Variants in TTC7B observed in about 807,000 individuals in gnomAD.
The protein encoded by TTC7B is tetratricopeptide repeat domain 7B.
TTC7B carries 28 observed loss-of-function variants against 106.8 expected under a neutral mutation model. The observed-to-expected ratio is 0.26, with a 90% CI of 0.19 to 0.36. The LOEUF (loss-of-function observed/expected upper bound fraction) is 0.36. TTC7B is among the 10% of genes least tolerant of loss of function. TTC7B has a pLI of 1.00. For synonymous variants in TTC7B, 405 were observed against 430.6 expected (o/e 0.94, Z 0.74); for missense variants, 862 against 1,076.4 (o/e 0.80, Z 2.79).
intron 13 of TTC7B, among the ~76,000 whole-genome samples, chr14:90,650,660 A>T (rs7150719): frequency 0.12 from 18,970 of 152,266 alleles, 1,254 homozygotes; most frequent in African/African-American, 0.17. Context: ...ACTGTGGGCC[A>T]TGCAATGAAA....
chr14:90,555,332 A>T lies in TTC7B; in HGVS notation c.2311-13743T>A, dbSNP rs576345381. On this transcript the variant is annotated intron_variant, in intron 19 of 19. Coordinates refer to ENST00000328459, the MANE Select transcript of TTC7B (RefSeq NM_001010854.2). ...GCCTGGCACTGCAGGCCCTTCCTCT[A>T]CCTGGCGGCTGCCAGATTCCGGGTG... 5.3e-5 allele frequency among the ~76,000 whole-genome samples: 8 copies of T among 151,882 alleles called. No homozygotes were observed. The East Asian group carries it at 1.4e-3, about 26-fold the overall frequency.
intron 15 of TTC7B, among the ~76,000 whole-genome samples, chr14:90,620,313 T>C (rs909360628): frequency 2.0e-5 from 3 of 152,142 alleles, no homozygotes; most frequent in African/African-American, 7.2e-5. Flanking sequence ...TTTGGAAGCC[T>C]TACCAAGACT....
chr14:90,811,503 G>A (rs1402041567), intron 1 of TTC7B, among the ~76,000 whole-genome samples: 1 of 152,130 alleles, frequency 6.6e-6, no homozygotes, highest in Non-Finnish European at 1.5e-5. Context: ...TTCACAGGAG[G>A]GTGTGCATGA....
chr14:90,770,026 T>G (rs1890811442), intron 3 of TTC7B, among the ~76,000 whole-genome samples: 1 of 152,078 alleles, frequency 6.6e-6, no homozygotes, highest in Non-Finnish European at 1.5e-5. Context: ...GGTACACATC[T>G]GTAGTTCCAG....
chr14:90,532,887 G>T lies in TTC7B; in HGVS notation c.*8481C>A, dbSNP rs991960349. 6.6e-5 allele frequency: 10 copies of T among 152,304 alleles called. No individual in the cohort carries two copies. The highest frequency in any genetic ancestry group is 2.4e-4 in the African/African-American group (10 of 41,438). The allele number at this position is 152,304 out of a possible 1,614,324, so 9.4% of individuals were successfully genotyped here. A position where few individuals can be genotyped will look rare whatever the true frequency, so the allele number is the denominator to read the frequency against. Reference sequence around the variant, plus strand: ...TGGTAGCTGTGCCTTCCTGGGTACTGCTGAATGGCAGGCTAAGCTCAGGCT... The same window carrying T: ...TGGTAGCTGTGCCTTCCTGGGTACTTCTGAATGGCAGGCTAAGCTCAGGCT... On this transcript the variant is annotated 3_prime_UTR_variant, in exon 20 of 20. Transcript: ENST00000328459.
rs1566753691 is a variant in TTC7B at position 90,528,626 on chromosome 14, T to TGCTTTGTTACCTGTTTC, written c.*12725_*12741dup. 3.3e-5 allele frequency: 5 copies of TGCTTTGTTACCTGTTTC among 150,752 alleles called. No individual in the cohort carries two copies. The highest frequency in any genetic ancestry group is 7.3e-5 in the Non-Finnish European group (5 of 68,230). The allele number at this position is 150,752 out of a possible 1,614,324, so 9.3% of individuals were successfully genotyped here. On this transcript the variant is annotated 3_prime_UTR_variant, in exon 20 of 20. Coordinates refer to ENST00000328459, the MANE Select transcript of TTC7B (RefSeq NM_001010854.2). Reference sequence around the variant, plus strand: ...CGTTTCCGATGGTGTGACCTGACTGTGCTTTGTTACCTGTTTCTGATGGTT... The same window carrying TGCTTTGTTACCTGTTTC: ...CGTTTCCGATGGTGTGACCTGACTGTGCTTTGTTACCTGTTTCGCTTTGTTACCTGTTTCTGATGGTT...
intron 18 of TTC7B, among the ~76,000 whole-genome samples, chr14:90,586,176 G>GC (rs1891702322): frequency 6.6e-6 from 1 of 152,240 alleles, no homozygotes; most frequent in South Asian, 2.1e-4. Flanking sequence ...GCTCCTTCCT[G>GC]CCCCCCTGGC....
rs753272913 is a variant in TTC7B, at chr14:90,759,235, GTT to G, written c.446-14315_446-14314del. ...GTGTTCTGCTCCCGCCCCCGAGAGA[GTT>G]CTGAGCTTTCCAAATATGGATGCTT... On this transcript the variant is annotated intron_variant, in intron 3 of 19. Transcript: ENST00000328459. The surrounding 1 kb of genome is among the most constrained non-coding windows in gnomAD (Gnocchi z 4.1). Among the ~76,000 whole-genome samples the G allele has an allele frequency of 3.9e-5, 6 of 152,198 alleles. No homozygotes were observed. The highest frequency in any genetic ancestry group is 8.8e-5 in the Non-Finnish European group (6 of 68,042).
chr14:90,585,204 A>G (rs1000650330), intron 18 of TTC7B, among the ~76,000 whole-genome samples: 2 of 152,136 alleles, frequency 1.3e-5, no homozygotes, highest in Non-Finnish European at 2.9e-5. Context: ...TGCAACTGCC[A>G]TTAGTCTCTG....
intron 19 of TTC7B, among the ~76,000 whole-genome samples, chr14:90,561,621 G>A (rs565713977): frequency 3.3e-5 from 5 of 152,328 alleles, no homozygotes; most frequent in East Asian, 3.9e-4. Flanking sequence ...AAAAACTGAG[G>A]CCCAGAGAAT....
At chr14:90,745,517 T>C (rs1889933736) in intron 3 of TTC7B, among the ~76,000 whole-genome samples, 1 of 152,136 alleles carries the variant, frequency 6.6e-6, no homozygotes, top group Non-Finnish European at 1.5e-5. Context: ...GCTCAAATCC[T>C]TTCTCCATGT....
intron 12 of TTC7B, 26 bp downstream of exon 12, chr14:90,654,967 A>G: frequency 6.5e-7 from 1 of 1,532,812 alleles, no homozygotes; most frequent in African/African-American, 1.4e-5. Flanking sequence ...GCAGCTCAGC[A>G]GCTGTGGGGG....
intron 5 of TTC7B, among the ~76,000 whole-genome samples, chr14:90,712,734 C>CTT (rs138131556): frequency 6.7e-6 from 1 of 149,002 alleles, no homozygotes; most frequent in African/African-American, 2.5e-5. Context: ...CGCTGGCAGG[C>CTT]TTTTTTTTTT....
intron 3 of TTC7B, among the ~76,000 whole-genome samples, chr14:90,753,046 A>G (rs947549870): frequency 6.6e-6 from 1 of 152,268 alleles, no homozygotes; most frequent in Non-Finnish European, 1.5e-5. Flanking sequence ...CTTGAGCTGT[A>G]CAAGTCTAAG....
At position 90,624,508 on chromosome 14, in the gene TTC7B, C is replaced by T. The variant is rs1349213080; in HGVS notation, c.1752-6463G>A. 6.6e-6 allele frequency among the ~76,000 whole-genome samples: 1 copy of T among 152,180 alleles called. No individual in the cohort carries two copies. The highest frequency in any genetic ancestry group is 2.4e-5 in the African/African-American group (1 of 41,438). On this transcript the variant is annotated intron_variant, in intron 15 of 19. Coordinates refer to ENST00000328459, the MANE Select transcript of TTC7B (RefSeq NM_001010854.2). This position sits in a 1 kb window ranked among gnomAD's most constrained non-coding sequence, Gnocchi z 4.0. ...ACCACTGGACATGCACCTCTAGTAC[C>T]TCACACCCTAGTTTAGTTTTAGCCT...
rs1242837857 is a variant in TTC7B at position 90,742,117 on chromosome 14, T to G, written c.576+2675A>C. ...GTGCAGTGGTACAATCATAGCTCAC[T>G]GCAACCTCGAACTTCTGGGCTCAAG... is the stretch of plus-strand genomic sequence containing the variant. On this transcript the variant is annotated intron_variant, in intron 4 of 19. Transcript: ENST00000328459. The surrounding 1 kb of genome is among the most constrained non-coding windows in gnomAD (Gnocchi z 4.1). Among the ~76,000 whole-genome samples, 3 of 152,174 alleles carry G rather than the reference T, an allele frequency of 2.0e-5. No individual in the cohort carries two copies. The highest frequency in any genetic ancestry group is 7.2e-5 in the African/African-American group (3 of 41,434).
intron 19 of TTC7B, among the ~76,000 whole-genome samples, chr14:90,562,614 C>T (rs572771416): frequency 2.0e-5 from 3 of 152,360 alleles, no homozygotes; most frequent in African/African-American, 7.2e-5. Context: ...TCTGCTTCAT[C>T]TGTTGGAGGC....
chr14:90,691,341 A>AT (rs1887467841), intron 6 of TTC7B, among the ~76,000 whole-genome samples: 1 of 152,052 alleles, frequency 6.6e-6, no homozygotes, highest in Admixed American at 6.5e-5. Flanking sequence ...TTCCTGAGAG[A>AT]TTTTTTAAAC....
At chr14:90,678,262 A>G (rs1409161157) in intron 8 of TTC7B, among the ~76,000 whole-genome samples, 1 of 152,196 alleles carries the variant, frequency 6.6e-6, no homozygotes, top group Non-Finnish European at 1.5e-5. Context: ...TTATAATCCC[A>G]TTCTCCTAGG....
Sources: allele counts gnomAD v4.1 joint callset (sites outside exome capture counted in the v4.1 genomes callset), GRCh38; gene constraint gnomAD v4.1.1; non-coding constraint Gnocchi (gnomAD v3.1); transcripts MANE v1.5; gene names NCBI Gene and HGNC (gene_info 2026-07-23, HGNC 2026-07-21).